Variants in PAH observed in about 807,000 individuals in gnomAD.
The protein encoded by PAH is phenylalanine hydroxylase.
Under a neutral mutation model 62.0 loss-of-function variants are expected in PAH, and 64 were observed. The ratio of observed to expected loss-of-function variants is 1.03; its 90% CI spans 0.84 to 1.27. The LOEUF (loss-of-function observed/expected upper bound fraction) is 1.27. PAH is among the 50% of genes most tolerant of loss of function. PAH has a pLI of 0.00. For synonymous variants in PAH, 195 were observed against 196.2 expected (o/e 0.99, Z 0.05); for missense variants, 579 against 542.8 (o/e 1.07, Z -0.66).
chr12:102,840,033 G>A (rs1017789047), intron 12 of PAH, among the ~76,000 whole-genome samples: 2 of 152,168 alleles, frequency 1.3e-5, no homozygotes, highest in Non-Finnish European at 2.9e-5. Context: ...CAACAGATGA[G>A]CCACTGGACA....
In PAH at chr12:102,843,788, C is replaced by T. The variant is rs750730715; in HGVS notation, c.1066-9G>A. The T allele has an allele frequency of 1.9e-6, 3 of 1,613,298 alleles. No individual in the cohort carries two copies. In the South Asian group the frequency reaches 3.3e-5, roughly 18 times the overall value. ...TTCTCTGATAAGCAGTACTGTAGGC[C>T]CCAAGTGAAAAGTTATTATCACTGT... is the stretch of plus-strand genomic sequence containing the variant. On this transcript the variant is annotated splice_polypyrimidine_tract_variant and intron_variant, in intron 10 of 12. Transcript: ENST00000553106.
chr12:102,844,123 C>A (rs758013526), intron 10 of PAH, among the ~76,000 whole-genome samples: 1 of 152,160 alleles, frequency 6.6e-6, no homozygotes, highest in Non-Finnish European at 1.5e-5. Flanking sequence ...CCCTTCTCCC[C>A]AGAGATATGT....
chr12:102,903,170 G>A (rs1259278856), intron 2 of PAH, among the ~76,000 whole-genome samples: 4 of 152,158 alleles, frequency 2.6e-5, no homozygotes, highest in Non-Finnish European at 5.9e-5. Context: ...AGAACAGCCT[G>A]GCCAACATAG....
At chr12:102,939,439 C>T (rs930780829) in intron 1 of PAH, among the ~76,000 whole-genome samples, 3 of 152,334 alleles carry the variant, frequency 2.0e-5, no homozygotes, top group African/African-American at 7.2e-5. Flanking sequence ...TTCAGCTAAA[C>T]GTTCCCATTG....
intron 6 of PAH, 39 bp from the exon 7 acceptor site, chr12:102,852,989 C>A (rs1275023611): frequency 1.2e-6 from 2 of 1,611,202 alleles, no homozygotes. Flanking sequence ...AAGCTCATCA[C>A]CACTGAGTCA....
intron 2 of PAH, among the ~76,000 whole-genome samples, chr12:102,903,593 G>A (rs574921036): frequency 1.3e-5 from 2 of 152,186 alleles, no homozygotes; most frequent in Non-Finnish European, 2.9e-5. Flanking sequence ...CAGGAGTAGG[G>A]CACAAAAAAG....
intron 12 of PAH, among the ~76,000 whole-genome samples, chr12:102,839,495 T>C (rs1219169076): frequency 6.6e-6 from 1 of 152,252 alleles, no homozygotes; most frequent in Non-Finnish European, 1.5e-5. Context: ...AGCTGTTCCA[T>C]TTCTCTTTTA....
chr12:102,935,441 A>G (rs1915931), intron 1 of PAH, among the ~76,000 whole-genome samples: 9,398 of 152,046 alleles, frequency 0.062, 341 homozygotes, highest in Admixed American at 0.1. Flanking sequence ...CTTCACTTCT[A>G]TTTGTCAGAA....
chr12:102,854,824 CAAAACAAAAA>C, intron 6 of PAH: 2 of 421,086 alleles, frequency 4.7e-6, no homozygotes, highest in Non-Finnish European at 8.9e-6. Flanking sequence ...CAAAACAAAA[CAAAACAAAAA>C]AAAACCTCAG....
intron 3 of PAH, among the ~76,000 whole-genome samples, chr12:102,888,469 G>A (rs1877130369): frequency 6.6e-6 from 1 of 151,030 alleles, no homozygotes; most frequent in African/African-American, 2.4e-5. Flanking sequence ...ATCACTGAGG[G>A]ATTCCTCTTA....
At chr12:102,953,257 G>A (rs1879822291), upstream of PAH, 3 of 152,210 alleles carry the variant, frequency 2.0e-5, no homozygotes, top group South Asian at 2.1e-4. Context: ...GTTCATCTTT[G>A]TATTCCCTTT....
At chr12:102,882,376 A>G (rs1158576465) in intron 3 of PAH, among the ~76,000 whole-genome samples, 6 of 152,080 alleles carry the variant, frequency 3.9e-5, no homozygotes, top group Non-Finnish European at 7.4e-5. Context: ...TTTACTATCT[A>G]TGAGCCCAGG....
At position 102,912,814 on chromosome 12, in the gene PAH, C is replaced by T; in HGVS notation, c.145G>A (p.Ala49Thr). 6.2e-7 allele frequency: 1 copy of T among 1,612,916 alleles called. No individual in the cohort carries two copies. The highest frequency in any genetic ancestry group is 8.5e-7 in the Non-Finnish European group (1 of 1,178,978). Reference protein sequence around the residue: ...FSLKEEVGALAKVLRLFEEND... With the variant: ...FSLKEEVGALTKVLRLFEEND... Reference sequence around the variant, plus strand: ...ACCTCAAATAAGCGCAATACTTTGGCCAATGCACCAACTTCTTCTTTGAGT... The same window carrying T: ...ACCTCAAATAAGCGCAATACTTTGGTCAATGCACCAACTTCTTCTTTGAGT... Residue 49 changes from alanine (A) to threonine (T), a missense_variant, in exon 2 of 13, where the codon GCC becomes ACC. Ala to Thr is a moderately conservative substitution (Grantham distance 58). Transcript: ENST00000553106.
chr12:102,866,709 G>A, intron 4 of PAH, 46 bp from the exon 5 acceptor site: 1 of 1,464,720 alleles, frequency 6.8e-7, no homozygotes, highest in Non-Finnish European at 9.6e-7. Flanking sequence ...CATAGGAAGA[G>A]GTCTGGTACC....
chr12:102,909,320 G>A (rs1489656521), intron 2 of PAH, among the ~76,000 whole-genome samples: 1 of 152,100 alleles, frequency 6.6e-6, no homozygotes, highest in Non-Finnish European at 1.5e-5. Flanking sequence ...GACCACAGGG[G>A]TAATGTGCCA....
Position 102,855,255 on chromosome 12 carries a change from G to T in PAH, c.587C>A (p.Ser196Tyr), listed in dbSNP as rs865899394. Residue 196 changes from serine to tyrosine, a missense_variant, in exon 6 of 13, where the codon TCC becomes TAC. By Grantham distance (144) the Ser-to-Tyr change is moderately radical. Coordinates refer to ENST00000553106, the MANE Select transcript of PAH (RefSeq NM_000277.3). ...TWGTVFKTLK[S>Y]LYKTHACYEY... is the part of the protein sequence containing the mutation. ...ATAGCAAGCATGGGTTTTATACAAG[G>T]ACTTCAGAGTCTTGAACACTGTGCC... The T allele has an allele frequency of 6.2e-7, 1 of 1,614,072 alleles. No homozygotes were observed.
chr12:102,878,485 T>G (rs944016828), intron 3 of PAH, among the ~76,000 whole-genome samples: 14 of 152,104 alleles, frequency 9.2e-5, no homozygotes, highest in African/African-American at 3.4e-4. Context: ...CCGACATCCC[T>G]GTGGGTTACA....
At chr12:102,870,577 G>A (rs747573025) in intron 4 of PAH, among the ~76,000 whole-genome samples, 11 of 152,250 alleles carry the variant, frequency 7.2e-5, no homozygotes, top group South Asian at 2.1e-4. Context: ...TAAAAAAGAT[G>A]TACTCTGGAA....
intron 6 of PAH, chr12:102,854,615 C>G (rs1442283188): frequency 1.1e-5 from 2 of 188,412 alleles, no homozygotes; most frequent in Non-Finnish European, 2.2e-5. Context: ...ATGGGAAAAG[C>G]TAAAGAGTTG....
Sources: allele counts gnomAD v4.1 joint callset (sites outside exome capture counted in the v4.1 genomes callset), GRCh38; gene constraint gnomAD v4.1.1; transcripts MANE v1.5; gene names NCBI Gene and HGNC (gene_info 2026-07-23, HGNC 2026-07-21).